The following BTRC variants were observed in gnomAD, a reference collection of about 807,000 sequenced individuals.
The protein encoded by BTRC is F-box/WD repeat-containing protein 1A.
BTRC carries 42 observed loss-of-function variants against 85.5 expected under a neutral mutation model. The observed-to-expected ratio is 0.49, with a 90% CI of 0.38 to 0.64. BTRC has a LOEUF of 0.64. Among genes scored for constraint, BTRC ranks in the 30% least tolerant of loss-of-function variants. BTRC has a pLI of 0.00. For missense variants in BTRC, 594 were observed against 743.5 expected, an observed-to-expected ratio of 0.80 and a Z score of 2.34; for synonymous variants, 255 against 263.3, an observed-to-expected ratio of 0.97 and a Z score of 0.30.
chr10:101,526,271 G>A (rs538998223), intron 6 of BTRC, 72 bp downstream of exon 6: 391 of 1,443,520 alleles, frequency 2.7e-4, no homozygotes, highest in Non-Finnish European at 3.5e-4. Context: ...AAAGATTTTT[G>A]GGGAGCCAAT....
chr10:101,398,027 C>A (rs902996780), intron 1 of BTRC, among the ~76,000 whole-genome samples: 3 of 152,130 alleles, frequency 2.0e-5, no homozygotes, highest in Non-Finnish European at 4.4e-5. Context: ...TAGGAATAAA[C>A]CTGATGAAAA....
At chr10:101,463,612 C>A (rs529120064) in intron 3 of BTRC, among the ~76,000 whole-genome samples, 1 of 152,210 alleles carries the variant, frequency 6.6e-6, no homozygotes, top group East Asian at 1.9e-4. Flanking sequence ...CCACCGTGAA[C>A]ATGATGCTTA....
chr10:101,391,094 A>G (rs757806928), intron 1 of BTRC, among the ~76,000 whole-genome samples: 1 of 152,194 alleles, frequency 6.6e-6, no homozygotes, highest in Non-Finnish European at 1.5e-5. Context: ...GATATGGAAT[A>G]CAATCTGATT....
Position 101,462,072 on chromosome 10 carries a change from C to T in BTRC, c.234+14C>T, listed in dbSNP as rs757945127. On this transcript the variant is annotated intron_variant, in intron 3 of 14. Coordinates refer to ENST00000370187, the MANE Select transcript of BTRC (RefSeq NM_033637.4). The stretch of plus-strand genomic sequence containing the variant: ...TCACTTAGACAGGTATGAAATTCAG[C>T]CTTACTTAAAATAAAAAGCTACCAA... 6.3e-7 allele frequency: 1 copy of T among 1,587,112 alleles called. No individual in the cohort carries two copies. The highest frequency in any genetic ancestry group is 1.1e-5 in the South Asian group (1 of 88,898).
intron 1 of BTRC, among the ~76,000 whole-genome samples, chr10:101,364,536 T>C (rs1442708681): frequency 1.3e-5 from 2 of 152,204 alleles, no homozygotes; most frequent in Non-Finnish European, 2.9e-5. Flanking sequence ...AAACTTAAGG[T>C]TGCAAAGATC....
intron 3 of BTRC, among the ~76,000 whole-genome samples, chr10:101,465,654 C>T (rs1473684052): frequency 2.0e-5 from 3 of 152,240 alleles, no homozygotes; most frequent in Non-Finnish European, 4.4e-5. Flanking sequence ...AAGAACACTC[C>T]TTGACTTAAA....
chr10:101,397,849 A>G (rs1019851657), intron 1 of BTRC, among the ~76,000 whole-genome samples: 1 of 152,250 alleles, frequency 6.6e-6, no homozygotes, highest in Non-Finnish European at 1.5e-5. Flanking sequence ...ATTTGATGAT[A>G]AATGATAAAC....
At chr10:101,364,950 T>C (rs1193918148) in intron 1 of BTRC, 1 of 152,070 alleles carries the variant, frequency 6.6e-6, no homozygotes, top group Non-Finnish European at 1.5e-5. Flanking sequence ...ATTTAATATA[T>C]TGTCCTCAGA....
intron 1 of BTRC, among the ~76,000 whole-genome samples, chr10:101,386,046 A>G (rs935160712): frequency 2.0e-5 from 3 of 152,100 alleles, no homozygotes; most frequent in Admixed American, 1.3e-4. Flanking sequence ...GCTGGTAGTT[A>G]TCAAAAATCC....
intron 9 of BTRC, among the ~76,000 whole-genome samples, chr10:101,533,362 AC>A (rs2062330055): frequency 6.6e-6 from 1 of 152,188 alleles, no homozygotes; most frequent in Non-Finnish European, 1.5e-5. Context: ...CCTTACAAAA[AC>A]CACCTCACGG....
chr10:101,441,312 C>G (rs1944673234), intron 2 of BTRC, among the ~76,000 whole-genome samples: 1 of 152,156 alleles, frequency 6.6e-6, no homozygotes, highest in African/African-American at 2.4e-5. Flanking sequence ...AGCTTATGGG[C>G]TTTTTACAAC....
rs71016314 is a variant in BTRC at position 101,381,962 on chromosome 10, CTTTTTTTTTTTTTTTTTTT to C, written c.48+27754_48+27772del. Among the ~76,000 whole-genome samples, 179 of 49,152 alleles carry C rather than the reference CTTTTTTTTTTTTTTTTTTT, an allele frequency of 3.6e-3. 2 individuals are homozygous for C. The highest frequency in any genetic ancestry group is 0.016 in the African/African-American group (148 of 8,972). 32.2% of individuals were successfully genotyped at this position (49,152 alleles called of 152,430 possible). On this transcript the variant is annotated intron_variant, in intron 1 of 14. Coordinates refer to ENST00000370187, the MANE Select transcript of BTRC (RefSeq NM_033637.4). The stretch of plus-strand genomic sequence containing the variant: ...GAACCCCTAGTTATCCTAAGAATGT[CTTTTTTTTTTTTTTTTTTT>C]TTTTTTTTTTTTTTTTTTTGAGATG...
At chr10:101,359,242 C>T (rs1942131243) in intron 1 of BTRC, among the ~76,000 whole-genome samples, 1 of 152,160 alleles carries the variant, frequency 6.6e-6, no homozygotes, top group South Asian at 2.1e-4. Flanking sequence ...ATTTTCTTTA[C>T]ATCAGTGAAA....
intron 1 of BTRC, among the ~76,000 whole-genome samples, chr10:101,358,622 G>A (rs533593568): frequency 1.3e-5 from 2 of 152,094 alleles, no homozygotes; most frequent in African/African-American, 4.8e-5. Flanking sequence ...AAATCTGATG[G>A]TTTTTCTGCT....
At chr10:101,473,270 T>A (rs914923066) in intron 3 of BTRC, among the ~76,000 whole-genome samples, 1 of 151,664 alleles carries the variant, frequency 6.6e-6, no homozygotes, top group African/African-American at 2.4e-5. Flanking sequence ...AGTCTGCTTT[T>A]TAAGCCTCTC....
At chr10:101,456,264 G>T (rs1393402186) in intron 2 of BTRC, among the ~76,000 whole-genome samples, 2 of 152,116 alleles carry the variant, frequency 1.3e-5, no homozygotes, top group Non-Finnish European at 2.9e-5. Flanking sequence ...TGTCTCAATA[G>T]TAATAGCACT....
Position 101,366,797 on chromosome 10 carries a change from T to TATA in BTRC, c.48+12569_48+12570insATA, listed in dbSNP as rs1564729686. Among the ~76,000 whole-genome samples, 5 of 99,084 alleles carry TATA rather than the reference T, an allele frequency of 5.0e-5. 1 individual carries two copies. The highest frequency in any genetic ancestry group is 8.2e-5 in the African/African-American group (2 of 24,412). The allele number at this position is 99,084 out of a possible 152,430, so 65.0% of individuals were successfully genotyped here. ...ATATATATATATATATATTTTTACATTTATATATATATTTATATATATTAA... is the reference window on the plus strand; with the variant it reads ...ATATATATATATATATATTTTTACATATATTATATATATATTTATATATATTAA... On this transcript the variant is annotated intron_variant, in intron 1 of 14. Coordinates refer to ENST00000370187, the MANE Select transcript of BTRC (RefSeq NM_033637.4).
At chr10:101,513,023 A>G (rs912489741) in intron 4 of BTRC, among the ~76,000 whole-genome samples, 1 of 152,182 alleles carries the variant, frequency 6.6e-6, no homozygotes, top group Non-Finnish European at 1.5e-5. Flanking sequence ...TATATCTCTC[A>G]TACACTCTAA....
At chr10:101,366,374 T>G (rs1942374010) in intron 1 of BTRC, among the ~76,000 whole-genome samples, 1 of 152,102 alleles carries the variant, frequency 6.6e-6, no homozygotes, top group Non-Finnish European at 1.5e-5. Context: ...CTCTAGAGCT[T>G]CACAATCTAA....
Sources: gnomAD v4.1 joint callset for allele counts (sites outside exome capture counted in the v4.1 genomes callset) on GRCh38, gnomAD v4.1.1 for gene constraint, MANE v1.5 for transcripts, NCBI Gene and HGNC (gene_info 2026-07-23, HGNC 2026-07-21) for gene names.